Variants in EXOC5 observed in about 807,000 individuals in gnomAD.
EXOC5 encodes the protein SEC10-like 1.
EXOC5 carries 17 observed loss-of-function variants against 90.8 expected under a neutral mutation model. The observed-to-expected ratio is 0.19, with a 90% CI of 0.13 to 0.28. The LOEUF is 0.28. EXOC5 is among the 10% of genes least tolerant of loss of function. EXOC5 has a pLI of 1.00. For synonymous variants in EXOC5, 260 were observed against 270.0 expected, an observed-to-expected ratio of 0.96 and a Z score of 0.36; for missense variants, 569 against 830.6, an observed-to-expected ratio of 0.69 and a Z score of 3.87.
chr14:57,250,147 T>C (rs1356198893), intron 1 of EXOC5, among the ~76,000 whole-genome samples: 3 of 152,164 alleles, frequency 2.0e-5, no homozygotes, highest in Non-Finnish European at 2.9e-5. Flanking sequence ...AAGATCTGTA[T>C]GCAGCTAAGT....
intron 13 of EXOC5, among the ~76,000 whole-genome samples, chr14:57,220,337 TAATGA>T (rs1029160843): frequency 1.3e-5 from 2 of 152,134 alleles, no homozygotes; most frequent in Non-Finnish European, 2.9e-5. Context: ...TCATTGTTAT[TAATGA>T]AAGACATAAA....
rs2139597545 is a variant in EXOC5 at position 57,202,509 on chromosome 14, G to C, written c.*6100C>G. 1 of 152,306 alleles carries C rather than the reference G, an allele frequency of 6.6e-6. No homozygotes were observed. Among genetic ancestry groups the C allele is most frequent in the East Asian group, 1.9e-4 (1 of 5,192 alleles). The allele number at this position is 152,306 out of a possible 1,614,324, so 9.4% of individuals were successfully genotyped here. A position where few individuals can be genotyped will look rare whatever the true frequency, so the allele number is the denominator to read the frequency against. ...AAAAGGGAAAAATTTTATTTGTACAGTATTTACAACCCTTCTGTTAAGTCT... is the reference window on the plus strand; with the variant it reads ...AAAAGGGAAAAATTTTATTTGTACACTATTTACAACCCTTCTGTTAAGTCT... On this transcript the variant is annotated 3_prime_UTR_variant, in exon 18 of 18. Transcript: ENST00000621441.
intron 9 of EXOC5, 57 bp downstream of exon 9, chr14:57,233,685 AG>A: frequency 9.5e-7 from 1 of 1,054,496 alleles, no homozygotes. Context: ...TTTAAAATAT[AG>A]GGAAAAAATT....
intron 6 of EXOC5, among the ~76,000 whole-genome samples, chr14:57,236,147 T>C (rs1883651039): frequency 6.6e-6 from 1 of 151,916 alleles, no homozygotes; most frequent in African/African-American, 2.4e-5. Context: ...ACATGAAAAA[T>C]CCTACACATG....
At chr14:57,267,690 A>T (rs1360026469) in intron 1 of EXOC5, among the ~76,000 whole-genome samples, 6 of 152,152 alleles carry the variant, frequency 3.9e-5, no homozygotes, top group Non-Finnish European at 5.9e-5. Context: ...GCCTAATTAG[A>T]GTTTTCCTAT....
intron 1 of EXOC5, among the ~76,000 whole-genome samples, chr14:57,253,180 C>G (rs1594679617): frequency 6.6e-6 from 1 of 152,022 alleles, no homozygotes; most frequent in African/African-American, 2.4e-5. Flanking sequence ...TTAACAGACA[C>G]AAATATGTAG....
chr14:57,230,365 G>T (rs558320610), intron 11 of EXOC5, among the ~76,000 whole-genome samples: 5 of 151,904 alleles, frequency 3.3e-5, no homozygotes, highest in Non-Finnish European at 5.9e-5. Flanking sequence ...CTTATATGGG[G>T]TATCTTTGGA....
At chr14:57,266,396 A>C (rs963323922) in intron 1 of EXOC5, among the ~76,000 whole-genome samples, 3 of 152,172 alleles carry the variant, frequency 2.0e-5, no homozygotes, top group African/African-American at 7.2e-5. Flanking sequence ...AACTTACTCA[A>C]GAGTAGAGTC....
At chr14:57,248,510 T>C (rs967127448) in intron 1 of EXOC5, among the ~76,000 whole-genome samples, 21 of 152,116 alleles carry the variant, frequency 1.4e-4, no homozygotes, top group African/African-American at 4.6e-4. Context: ...ACAAAATCTT[T>C]TAATTTTCTT....
Position 57,268,747 on chromosome 14 carries a change from G to A in EXOC5, c.-99C>T. 1 of 1,479,880 alleles carries A rather than the reference G, an allele frequency of 6.8e-7. No homozygotes were observed. Among genetic ancestry groups the A allele is most frequent in the Non-Finnish European group, 8.9e-7 (1 of 1,120,040 alleles). The allele number at this position is 1,479,880 out of a possible 1,614,324, so 91.7% of individuals were successfully genotyped here. ...GCACAGGTCTCCGCTCGGCTCGCCA[G>A]CTCCGGCTCCGGGCCGCTGCGGGCT... On this transcript the variant is annotated 5_prime_UTR_variant, in exon 1 of 18. Transcript: ENST00000621441.
chr14:57,235,241 G>A lies in EXOC5; in HGVS notation c.669+470C>T, dbSNP rs1883622219. Among the ~76,000 whole-genome samples, 3 of 152,038 alleles carry A rather than the reference G, an allele frequency of 2.0e-5. No homozygotes were observed. In the South Asian group the frequency reaches 6.2e-4, roughly 32 times the overall value. ...TACTCCTACACAGGGATTCTCTCCC[G>A]AGTTCAAATTCTAGGTAAACAATTC... On this transcript the variant is annotated intron_variant, in intron 7 of 17. Coordinates refer to ENST00000621441, the MANE Select transcript of EXOC5 (RefSeq NM_006544.4).
intron 1 of EXOC5, among the ~76,000 whole-genome samples, chr14:57,265,392 T>G (rs1433541971): frequency 1.3e-5 from 2 of 151,990 alleles, no homozygotes; most frequent in Non-Finnish European, 1.5e-5. Context: ...ATGTCCTCAG[T>G]AGTACAATAA....
intron 1 of EXOC5, among the ~76,000 whole-genome samples, chr14:57,259,109 C>A (rs1372742271): frequency 6.6e-6 from 1 of 151,406 alleles, no homozygotes; most frequent in African/African-American, 2.4e-5. Context: ...TTCACACACA[C>A]TTTTCTTTTT....
chr14:57,252,814 T>C (rs571115550), intron 1 of EXOC5, among the ~76,000 whole-genome samples: 47 of 152,132 alleles, frequency 3.1e-4, no homozygotes, highest in Non-Finnish European at 5.9e-4. Flanking sequence ...GAAATCAGTA[T>C]GTCAGAGATA....
chr14:57,234,306 T>A (rs1019595978), intron 7 of EXOC5, among the ~76,000 whole-genome samples: 2 of 151,688 alleles, frequency 1.3e-5, no homozygotes, highest in African/African-American at 4.8e-5. Flanking sequence ...TGTAACTGAG[T>A]TCTTTAGAGT....
In EXOC5 at chr14:57,238,219, T is replaced by TACAC. The variant is rs199783480; in HGVS notation, c.531-854_531-853insGTGT. ...TAGGATATATATTCAACTCCACATA[T>TACAC]ATATACACACACACACACACACACA... is the stretch of plus-strand genomic sequence containing the variant. On this transcript the variant is annotated intron_variant, in intron 5 of 17. Coordinates refer to ENST00000621441, the MANE Select transcript of EXOC5 (RefSeq NM_006544.4). Among the ~76,000 whole-genome samples the TACAC allele has an allele frequency of 2.4e-3, 178 of 73,872 alleles. 3 individuals are homozygous for TACAC. Among genetic ancestry groups the TACAC allele is most frequent in the African/African-American group, 7.9e-3 (177 of 22,504 alleles). 48.5% of individuals were successfully genotyped at this position (73,872 alleles called of 152,430 possible).
At chr14:57,224,268 A>C (rs1228161590) in intron 12 of EXOC5, among the ~76,000 whole-genome samples, 1 of 152,152 alleles carries the variant, frequency 6.6e-6, no homozygotes, top group Non-Finnish European at 1.5e-5. Flanking sequence ...AACAACAGGG[A>C]AAAATTAATG....
At chr14:57,230,593 G>A (rs1299589046) in intron 11 of EXOC5, among the ~76,000 whole-genome samples, 2 of 152,040 alleles carry the variant, frequency 1.3e-5, no homozygotes, top group South Asian at 2.1e-4. Context: ...AACTGGTTTC[G>A]ATATATACAT....
Position 57,219,338 on chromosome 14 carries a change from G to C in EXOC5, c.1510C>G (p.Leu504Val). ...TTGACTAACCTTATTAGTGGCATAA[G>C]GTGATCATTAAACTGTTTGTCAAAA... ...HLFDKQFNDHLMPLISSSPKL... is the reference protein window; with the variant it reads ...HLFDKQFNDHVMPLISSSPKL... The change falls in exon 14 of 18, where the codon CTT (leucine) becomes GTT (valine). Residue 504 changes from leucine to valine, a missense_variant. This residue lies in a region of EXOC5 where 34 missense variants were observed against 101.1 expected (regional missense o/e 0.34). Coordinates refer to ENST00000621441, the MANE Select transcript of EXOC5 (RefSeq NM_006544.4). 6.6e-7 allele frequency: 1 copy of C among 1,523,852 alleles called. No homozygotes were observed. The highest frequency in any genetic ancestry group is 8.9e-7 in the Non-Finnish European group (1 of 1,127,714). The allele number at this position is 1,523,852 out of a possible 1,614,324, so 94.4% of individuals were successfully genotyped here.
Sources: allele counts gnomAD v4.1 joint callset (sites outside exome capture counted in the v4.1 genomes callset), GRCh38; gene constraint gnomAD v4.1.1; regional missense constraint gnomAD v4.1.1; transcripts MANE v1.5; gene names NCBI Gene and HGNC (gene_info 2026-07-23, HGNC 2026-07-21).